The following PTPRT variants were observed in gnomAD, a reference collection of about 807,000 sequenced individuals.
PTPRT encodes the protein protein tyrosine phosphatase receptor type T, also known as receptor-type tyrosine-protein phosphatase T.
Under a neutral mutation model 176.8 loss-of-function variants are expected in PTPRT, and 56 were observed. The observed-to-expected ratio is 0.32, with a 90% CI of 0.26 to 0.40. The LOEUF (loss-of-function observed/expected upper bound fraction) is 0.40, where lower values mean the gene tolerates loss of function less well. Ranked by LOEUF, PTPRT falls within the 10% of genes least tolerant of loss-of-function variation. The probability of loss-of-function intolerance (pLI) is 1.00; values close to 1 mark genes in which losing one functional copy is unlikely to be tolerated. For synonymous variants in PTPRT, 783 were observed against 739.0 expected, an observed-to-expected ratio of 1.06 and a Z score of -0.96; for missense variants, 1,540 against 1,908.2, an observed-to-expected ratio of 0.81 and a Z score of 3.60.
At chr20:42,230,725 C>T (rs558526607) in intron 15 of PTPRT, among the ~76,000 whole-genome samples, 1 of 152,226 alleles carries the variant, frequency 6.6e-6, no homozygotes, top group East Asian at 1.9e-4. Context: ...TATGAGTGTT[C>T]CAGGTGGAAA....
intron 7 of PTPRT, among the ~76,000 whole-genome samples, chr20:42,496,767 G>A (rs142989572): frequency 2.6e-5 from 4 of 152,074 alleles, no homozygotes; most frequent in South Asian, 4.2e-4. Flanking sequence ...TGTTTCAAGC[G>A]TGGCAGTTTT....
rs955774386 is a variant in PTPRT at position 42,073,910 on chromosome 20, C to T, written c.*6969G>A. The T allele has an allele frequency of 1.3e-5, 3 of 229,662 alleles. No individual in the cohort carries two copies. The highest frequency in any genetic ancestry group is 2.6e-5 in the Non-Finnish European group (3 of 115,880). 14.2% of individuals were successfully genotyped at this position (229,662 alleles called of 1,614,324 possible). A position where few individuals can be genotyped will look rare whatever the true frequency, so the allele number is the denominator to read the frequency against. On this transcript the variant is annotated 3_prime_UTR_variant, in exon 31 of 31. Transcript: ENST00000373187. ...TCTCTTCCCTTTAAAGAGACACCTG[C>T]CTTCTTTTAGACAGCTGCTGAGATG...
At chr20:42,539,945 C>T (rs572541595) in intron 7 of PTPRT, among the ~76,000 whole-genome samples, 52 of 152,024 alleles carry the variant, frequency 3.4e-4, no homozygotes, top group African/African-American at 1.2e-3. Context: ...TACTAAAGTT[C>T]CAGAAAAAGA....
At chr20:42,229,511 A>G (rs2056090179) in intron 15 of PTPRT, among the ~76,000 whole-genome samples, 1 of 152,228 alleles carries the variant, frequency 6.6e-6, no homozygotes, top group Admixed American at 6.5e-5. Context: ...TCTTGATGGA[A>G]TCATTTTAAA....
chr20:43,009,278 G>C (rs766502721), intron 1 of PTPRT, among the ~76,000 whole-genome samples: 22 of 152,182 alleles, frequency 1.4e-4, no homozygotes, highest in Non-Finnish European at 3.1e-4. Context: ...CCCACTCGCT[G>C]ACATATCGTT....
chr20:42,082,928 C>G (rs940687046), intron 29 of PTPRT, among the ~76,000 whole-genome samples: 21 of 151,984 alleles, frequency 1.4e-4, no homozygotes, highest in African/African-American at 5.1e-4. Flanking sequence ...ATGCAGTGAC[C>G]AGATGTTTCA....
At chr20:42,857,094 C>T (rs540287418) in intron 2 of PTPRT, among the ~76,000 whole-genome samples, 3 of 152,308 alleles carry the variant, frequency 2.0e-5, no homozygotes, top group African/African-American at 7.2e-5. Flanking sequence ...ATTAGCTGCA[C>T]CATTTGGCAT....
intron 3 of PTPRT, among the ~76,000 whole-genome samples, chr20:42,785,822 C>T (rs2077281492): frequency 6.6e-6 from 1 of 152,068 alleles, no homozygotes; most frequent in South Asian, 2.1e-4. Context: ...CTCTTTTTCC[C>T]TCTTTTCCTT....
chr20:42,261,541 G>A (rs373357895), intron 13 of PTPRT, among the ~76,000 whole-genome samples: 1 of 152,010 alleles, frequency 6.6e-6, no homozygotes, highest in Admixed American at 6.5e-5. Flanking sequence ...AAGCAGGAGC[G>A]GGAGCTCAGC....
At chr20:42,334,400 A>T (rs1158605112) in intron 11 of PTPRT, among the ~76,000 whole-genome samples, 1 of 152,258 alleles carries the variant, frequency 6.6e-6, no homozygotes, top group Non-Finnish European at 1.5e-5. Context: ...TAGGAAAAGG[A>T]TGTAAAAAGA....
At chr20:42,780,567 C>G (rs2077200185) in intron 3 of PTPRT, among the ~76,000 whole-genome samples, 1 of 152,100 alleles carries the variant, frequency 6.6e-6, no homozygotes, top group Non-Finnish European at 1.5e-5. Context: ...ACCCAAACAC[C>G]GAGGTCTCGG....
chr20:42,170,972 A>G (rs1990057142), intron 16 of PTPRT, among the ~76,000 whole-genome samples: 2 of 152,218 alleles, frequency 1.3e-5, no homozygotes, highest in African/African-American at 4.8e-5. Context: ...TCTAGGCTGG[A>G]AAATGGCTAT....
At chr20:42,188,211 A>G (rs1203482776) in intron 16 of PTPRT, among the ~76,000 whole-genome samples, 1 of 152,224 alleles carries the variant, frequency 6.6e-6, no homozygotes, top group Non-Finnish European at 1.5e-5. Flanking sequence ...GTATGAGCAG[A>G]AAGGAAGAGC....
chr20:43,079,460 A>G (rs1459627162), intron 1 of PTPRT, among the ~76,000 whole-genome samples: 6 of 152,184 alleles, frequency 3.9e-5, no homozygotes, highest in African/African-American at 7.2e-5. Flanking sequence ...TATTGCACCT[A>G]TGTTAAATAT....
At chr20:42,851,421 T>C (rs1176936498) in intron 2 of PTPRT, among the ~76,000 whole-genome samples, 2 of 152,210 alleles carry the variant, frequency 1.3e-5, no homozygotes, top group African/African-American at 4.8e-5. Context: ...CATCACTGTC[T>C]TGCATTTCTC....
chr20:42,756,575 G>A lies in PTPRT; in HGVS notation c.746C>T (p.Ser249Leu), dbSNP rs2076836285. Residue 249 changes from serine to leucine, a missense_variant, in exon 6 of 31, where the codon TCA becomes TTA. Ser to Leu is a moderately radical substitution (Grantham distance 145, BLOSUM62 -2). Around this residue, in one of 11 missense-constraint regions of PTPRT, gnomAD observed 273 missense variants for 432.1 expected, o/e 0.63. Coordinates refer to ENST00000373187, the MANE Select transcript of PTPRT (RefSeq NM_007050.6). Reference protein sequence around the residue: ...VTRVVNHRRFSATVSVADTAQ... With the variant: ...VTRVVNHRRFLATVSVADTAQ... The stretch of plus-strand genomic sequence containing the variant: ...AGTGTCTGCCACACTGACTGTGGCT[G>A]AGAAGCGCCTGTGGTTGACCACACG... 4 of 1,612,720 alleles carry A rather than the reference G, an allele frequency of 2.5e-6. No individual in the cohort carries two copies. Among genetic ancestry groups the A allele is most frequent in the Non-Finnish European group, 3.4e-6 (4 of 1,179,074 alleles).
intron 2 of PTPRT, among the ~76,000 whole-genome samples, chr20:42,867,845 C>A (rs2078775774): frequency 6.6e-6 from 1 of 151,926 alleles, no homozygotes; most frequent in Admixed American, 6.6e-5. Flanking sequence ...CCATATCTGG[C>A]TAATTTTTGT....
chr20:42,768,734 T>C (rs2077021410), intron 5 of PTPRT, among the ~76,000 whole-genome samples: 1 of 152,186 alleles, frequency 6.6e-6, no homozygotes, highest in Non-Finnish European at 1.5e-5. Context: ...ATGTTTTATG[T>C]CCCATTGAAA....
chr20:42,791,022 A>G (rs2077366605), intron 3 of PTPRT, among the ~76,000 whole-genome samples, 173 bp downstream of exon 3: 1 of 152,184 alleles, frequency 6.6e-6, no homozygotes, highest in African/African-American at 2.4e-5. Flanking sequence ...GATGAATTCA[A>G]GTGGGACAGC....
Sources: gnomAD v4.1 joint callset for allele counts (sites outside exome capture counted in the v4.1 genomes callset) on GRCh38, gnomAD v4.1.1 for gene constraint, gnomAD v4.1.1 regional missense constraint, MANE v1.5 for transcripts, NCBI Gene and HGNC (gene_info 2026-07-23, HGNC 2026-07-21) for gene names.